NLGN1: variants seen among roughly 807,000 people sequenced by gnomAD.
The protein encoded by NLGN1 is neuroligin 1, also known as neuroligin-1.
A neutral mutation model predicts 65.5 loss-of-function variants in NLGN1; 12 were observed. The observed-to-expected ratio is 0.18, with a 90% confidence interval of 0.12 to 0.30. The LOEUF (loss-of-function observed/expected upper bound fraction) is 0.30. Ranked by LOEUF, NLGN1 falls within the 10% of genes least tolerant of loss-of-function variation. The pLI, the probability that NLGN1 is intolerant of heterozygous loss-of-function variation, is 1.00. For missense variants in NLGN1, 750 were observed against 1,007.1 expected, an observed-to-expected ratio of 0.74 and a Z score of 3.46; for synonymous variants, 350 against 359.5, an observed-to-expected ratio of 0.97 and a Z score of 0.30.
chr3:173,890,400 G>A (rs551219234), intron 4 of NLGN1, among the ~76,000 whole-genome samples: 1 of 152,262 alleles, frequency 6.6e-6, no homozygotes, highest in Admixed American at 6.5e-5. Flanking sequence ...CGCAGTGTGT[G>A]CCTTTGGTAC....
At chr3:173,517,804 T>TCA (rs1283215174) in intron 2 of NLGN1, among the ~76,000 whole-genome samples, 2 of 113,274 alleles carry the variant, frequency 1.8e-5, no homozygotes, top group Non-Finnish European at 3.9e-5. Context: ...CTATCTATCA[T>TCA]ATCTATCTGT....
chr3:173,622,184 A>T (rs1327161102), intron 3 of NLGN1, among the ~76,000 whole-genome samples: 1 of 152,102 alleles, frequency 6.6e-6, no homozygotes, highest in African/African-American at 2.4e-5. Context: ...TCTGAGTATA[A>T]TTTTCAATGA....
chr3:173,733,941 A>AACCT (rs1773289937), intron 3 of NLGN1, among the ~76,000 whole-genome samples: 1 of 152,106 alleles, frequency 6.6e-6, no homozygotes, highest in South Asian at 2.1e-4. Flanking sequence ...ATGAGCATAA[A>AACCT]ACCTAAATGA....
At chr3:174,097,360 A>G (rs188842563) in intron 4 of NLGN1, among the ~76,000 whole-genome samples, 175 of 152,306 alleles carry the variant, frequency 1.1e-3, no homozygotes, top group Middle Eastern at 3.4e-3. Context: ...CTGTCTACAC[A>G]CCAAACAGCA....
chr3:173,509,742 C>T (rs2149090665), intron 2 of NLGN1, among the ~76,000 whole-genome samples: 1 of 152,172 alleles, frequency 6.6e-6, no homozygotes, highest in East Asian at 1.9e-4. Flanking sequence ...AAGAATAGTG[C>T]CAACATGCTT....
intron 4 of NLGN1, among the ~76,000 whole-genome samples, chr3:174,214,995 G>T (rs539013330): frequency 6.6e-6 from 1 of 152,150 alleles, no homozygotes; most frequent in Non-Finnish European, 1.5e-5. Context: ...GTATTCAGTG[G>T]CAATGAACAG....
intron 4 of NLGN1, among the ~76,000 whole-genome samples, chr3:173,914,106 T>G (rs529142545): frequency 1.4e-4 from 22 of 152,294 alleles, no homozygotes; most frequent in Non-Finnish European, 2.6e-4. Flanking sequence ...GTTGATATAT[T>G]TGGGCTGTGG....
intron 3 of NLGN1, among the ~76,000 whole-genome samples, chr3:173,675,571 T>C (rs1326691027): frequency 1.3e-5 from 2 of 152,138 alleles, no homozygotes; most frequent in African/African-American, 4.8e-5. Flanking sequence ...CTCAAAAATT[T>C]TAGCCAATTA....
chr3:174,266,112 TA>T (rs1748175254), intron 4 of NLGN1, among the ~76,000 whole-genome samples: 1 of 151,264 alleles, frequency 6.6e-6, no homozygotes, highest in Non-Finnish European at 1.5e-5. Flanking sequence ...GTTACATGGG[TA>T]AATTGCATGT....
chr3:174,005,603 C>T (rs1033784775), intron 4 of NLGN1, among the ~76,000 whole-genome samples: 1 of 152,078 alleles, frequency 6.6e-6, no homozygotes, highest in Non-Finnish European at 1.5e-5. Context: ...CTGTGCTGAT[C>T]TCAGTTTACA....
chr3:174,135,192 G>A (rs1002690894), intron 4 of NLGN1, among the ~76,000 whole-genome samples: 1 of 152,142 alleles, frequency 6.6e-6, no homozygotes, highest in African/African-American at 2.4e-5. Context: ...CATGGAGGTT[G>A]TATTTCTCAG....
intron 2 of NLGN1, among the ~76,000 whole-genome samples, chr3:173,472,918 G>A (rs1280795820): frequency 6.6e-6 from 1 of 152,060 alleles, no homozygotes; most frequent in Non-Finnish European, 1.5e-5. Flanking sequence ...TTGGCTTTAC[G>A]GATCTTGCAT....
At chr3:173,846,937 A>G (rs4355309) in intron 4 of NLGN1, among the ~76,000 whole-genome samples, 27,223 of 152,152 alleles carry the variant, frequency 0.18, 2,841 homozygotes, top group East Asian at 0.32. Flanking sequence ...TCAAGGAATC[A>G]TGGTAGTAAA....
chr3:173,619,232 C>G (rs1753614565), intron 3 of NLGN1, among the ~76,000 whole-genome samples: 1 of 152,136 alleles, frequency 6.6e-6, no homozygotes, highest in African/African-American at 2.4e-5. Flanking sequence ...AACTAAAACA[C>G]TATGACCACT....
chr3:173,744,739 T>G (rs1157515276), intron 3 of NLGN1, among the ~76,000 whole-genome samples: 1 of 152,144 alleles, frequency 6.6e-6, no homozygotes, highest in African/African-American at 2.4e-5. Context: ...CACATCCTTA[T>G]CTTTCCTTCT....
At chr3:173,493,250 C>A (rs952803476) in intron 2 of NLGN1, among the ~76,000 whole-genome samples, 6 of 151,734 alleles carry the variant, frequency 4.0e-5, no homozygotes, top group Admixed American at 3.9e-4. Flanking sequence ...TCTATCCAGG[C>A]GTGTTTATGA....
intron 4 of NLGN1, among the ~76,000 whole-genome samples, chr3:174,244,785 G>C (rs1164000680): frequency 6.6e-6 from 1 of 152,124 alleles, no homozygotes; most frequent in Non-Finnish European, 1.5e-5. Context: ...TAAAATGCTT[G>C]GTGAGCACTC....
intron 4 of NLGN1, among the ~76,000 whole-genome samples, chr3:173,906,433 G>A (rs1283561308): frequency 6.6e-6 from 1 of 151,972 alleles, no homozygotes; most frequent in Non-Finnish European, 1.5e-5. Context: ...CCTTTATTGT[G>A]TACCTACTTT....
chr3:174,191,587 C>A (rs1356634964), intron 4 of NLGN1, among the ~76,000 whole-genome samples: 1 of 152,176 alleles, frequency 6.6e-6, no homozygotes, highest in Non-Finnish European at 1.5e-5. Flanking sequence ...CTACAAATCA[C>A]ATGCTGTTTG....
Sources: gnomAD v4.1 joint callset for allele counts (sites outside exome capture counted in the v4.1 genomes callset) on GRCh38, gnomAD v4.1.1 for gene constraint, MANE v1.5 for transcripts, NCBI Gene and HGNC (gene_info 2026-07-23, HGNC 2026-07-21) for gene names.